SGCD: variants seen among roughly 807,000 people sequenced by gnomAD.
The protein encoded by SGCD is sarcoglycan delta, also known as delta-sarcoglycan.
In SGCD, 18 loss-of-function variants were observed where a neutral mutation model predicts 36.6. That is an observed-to-expected ratio of 0.49 (90% confidence interval 0.34 to 0.73). The LOEUF (loss-of-function observed/expected upper bound fraction) is 0.73, where lower values mean the gene tolerates loss of function less well. Ranked by LOEUF, SGCD falls within the 30% of genes least tolerant of loss-of-function variation. The pLI, the probability that SGCD is intolerant of heterozygous loss-of-function variation, is 0.01. For synonymous variants in SGCD, 133 were observed against 130.6 expected (o/e 1.02, Z -0.12); for missense variants, 387 against 346.7 (o/e 1.12, Z -0.92).
At chr5:155,965,850 C>A (rs1757891085) in intron 1 of SGCD, among the ~76,000 whole-genome samples, 1 of 152,102 alleles carries the variant, frequency 6.6e-6, no homozygotes, top group Admixed American at 6.6e-5. Context: ...CAAATCTACT[C>A]TTTTGTGTTT....
chr5:156,138,643 A>G (rs1762512002), intron 3 of SGCD, among the ~76,000 whole-genome samples: 1 of 152,204 alleles, frequency 6.6e-6, no homozygotes. Flanking sequence ...TAAGAATTAC[A>G]CTATTAGAAA....
At chr5:156,317,316 C>G (rs151068652) in intron 3 of SGCD, among the ~76,000 whole-genome samples, 52 of 152,210 alleles carry the variant, frequency 3.4e-4, no homozygotes, top group Middle Eastern at 3.4e-3. Flanking sequence ...AGGCCTTGCA[C>G]AACCATAGGA....
At chr5:156,491,907 TG>T (rs1160457418) in intron 3 of SGCD, among the ~76,000 whole-genome samples, 3 of 152,132 alleles carry the variant, frequency 2.0e-5, no homozygotes, top group Non-Finnish European at 4.4e-5. Flanking sequence ...CATCTCATTC[TG>T]GGAGGGATCC....
chr5:156,293,652 A>G (rs1766818831), intron 3 of SGCD, among the ~76,000 whole-genome samples: 2 of 152,024 alleles, frequency 1.3e-5, no homozygotes, highest in African/African-American at 4.8e-5. Context: ...TTTTTATTCT[A>G]TTTTATTCCG....
chr5:156,460,109 A>C (rs1483851584), intron 3 of SGCD, among the ~76,000 whole-genome samples: 1 of 152,144 alleles, frequency 6.6e-6, no homozygotes, highest in South Asian at 2.1e-4. Context: ...GAAGGCAGTT[A>C]ATTTCCTGTT....
At chr5:156,270,693 ACT>A (rs1766153653) in intron 3 of SGCD, among the ~76,000 whole-genome samples, 1 of 152,126 alleles carries the variant, frequency 6.6e-6, no homozygotes, top group Non-Finnish European at 1.5e-5. Context: ...TGACTCTTCA[ACT>A]CTCTATTTAC....
At chr5:156,623,936 A>G (rs551776957) in intron 6 of SGCD, among the ~76,000 whole-genome samples, 10 of 152,296 alleles carry the variant, frequency 6.6e-5, no homozygotes, top group Non-Finnish European at 1.3e-4. Context: ...CCTCTGGCCT[A>G]ATTCTTCCTC....
At chr5:156,649,576 C>G (rs569331984) in intron 7 of SGCD, among the ~76,000 whole-genome samples, 41 of 152,110 alleles carry the variant, frequency 2.7e-4, no homozygotes, top group African/African-American at 8.9e-4. Context: ...ATGGATGAAA[C>G]TGGAAACCAT....
intron 4 of SGCD, among the ~76,000 whole-genome samples, chr5:156,548,954 T>C (rs1758686606): frequency 1.3e-5 from 2 of 152,116 alleles, no homozygotes; most frequent in African/African-American, 4.8e-5. Context: ...TCAAATTTGA[T>C]TCAGCCTTGA....
intron 3 of SGCD, among the ~76,000 whole-genome samples, chr5:156,265,274 G>A (rs1765968324): frequency 6.6e-6 from 1 of 152,102 alleles, no homozygotes; most frequent in Non-Finnish European, 1.5e-5. Flanking sequence ...TAGTCTTTGG[G>A]GAGGGAGGTA....
At chr5:156,278,982 T>C (rs1766383930) in intron 3 of SGCD, among the ~76,000 whole-genome samples, 1 of 152,182 alleles carries the variant, frequency 6.6e-6, no homozygotes. Flanking sequence ...CTGGAGTTGA[T>C]TATCACAACT....
intron 7 of SGCD, 45 bp downstream of exon 7, chr5:156,647,581 T>C: frequency 7.9e-7 from 1 of 1,262,946 alleles, no homozygotes. Flanking sequence ...GCTATTGCCT[T>C]GCTCTGTGCA....
chr5:156,571,915 ATC>A (rs1424756140), intron 4 of SGCD, among the ~76,000 whole-genome samples: 9 of 152,178 alleles, frequency 5.9e-5, no homozygotes, highest in African/African-American at 1.9e-4. Context: ...AATCACTTTT[ATC>A]TCTTTCTCCA....
At chr5:156,477,685 CAAAAAAAA>C (rs11411986) in intron 3 of SGCD, among the ~76,000 whole-genome samples, 12 of 102,182 alleles carry the variant, frequency 1.2e-4, no homozygotes, top group Non-Finnish European at 1.0e-4. Context: ...AGTATTTGAG[CAAAAAAAA>C]AAAAAAAAAA....
Position 156,192,492 on chromosome 5 carries a change from G to A in SGCD, c.-44+68473G>A, listed in dbSNP as rs1330204590. On this transcript the variant is annotated intron_variant, in intron 3 of 9. Coordinates refer to the SGCD transcript ENST00000517913. ...GGAAGTGTATGGGGGTACAGGAGGGGAATGAAGAGAGGTAAGTTAATGGAT... is the reference window on the plus strand; with the variant it reads ...GGAAGTGTATGGGGGTACAGGAGGGAAATGAAGAGAGGTAAGTTAATGGAT... Among the ~76,000 whole-genome samples, 4 of 152,162 alleles carry A rather than the reference G, an allele frequency of 2.6e-5. No homozygotes were observed. In the East Asian group the frequency reaches 7.8e-4, roughly 30 times the overall value.
In SGCD at chr5:156,603,396, T is replaced by A. The variant is rs369784000; in HGVS notation, c.502+8345T>A. ...CAAAAAAACAACTTTGTTTCATTGA[T>A]CTTTTTAACTATAATCTCTTTTTTA... On this transcript the variant is annotated intron_variant, in intron 6 of 8. Coordinates refer to ENST00000337851, the MANE Select transcript of SGCD (RefSeq NM_000337.6). Among the ~76,000 whole-genome samples, 273 of 152,190 alleles carry A rather than the reference T, an allele frequency of 1.8e-3. 10 individuals are homozygous for A. In the South Asian group the frequency reaches 0.037, roughly 21 times the overall value.
chr5:156,299,247 T>A (rs1766987059), intron 3 of SGCD, among the ~76,000 whole-genome samples: 1 of 152,176 alleles, frequency 6.6e-6, no homozygotes, highest in South Asian at 2.1e-4. Flanking sequence ...ATGAGTTCAC[T>A]GTAGATGCAT....
At chr5:155,752,471 A>G in the SGCD span, among the ~76,000 whole-genome samples, 1 of 152,026 alleles carries the variant, frequency 6.6e-6, no homozygotes, top group African/African-American at 2.4e-5. Flanking sequence ...ACTCAGGCCA[A>G]TCTTTCTGCT....
intron 3 of SGCD, among the ~76,000 whole-genome samples, chr5:156,381,086 T>A (rs1275588470): frequency 5.3e-5 from 8 of 152,074 alleles, no homozygotes; most frequent in African/African-American, 1.9e-4. Flanking sequence ...GACAAAAACA[T>A]CTCAGGAAGA....
Sources: gnomAD v4.1 joint callset for allele counts (sites outside exome capture counted in the v4.1 genomes callset) on GRCh38, gnomAD v4.1.1 for gene constraint, MANE v1.5 for transcripts, NCBI Gene and HGNC (gene_info 2026-07-23, HGNC 2026-07-21) for gene names.